The following PRKCH variants were observed in gnomAD, a reference collection of about 807,000 sequenced individuals.
PRKCH encodes protein kinase C eta, also known as protein kinase C eta type.
A neutral mutation model predicts 82.5 loss-of-function variants in PRKCH; 28 were observed. That is an observed-to-expected ratio of 0.34 (90% confidence interval 0.25 to 0.47). PRKCH has a LOEUF of 0.47. Among genes scored for constraint, PRKCH ranks in the 20% least tolerant of loss-of-function variants. The pLI is 1.00. For synonymous variants in PRKCH, 322 were observed against 327.4 expected, an observed-to-expected ratio of 0.98 and a Z score of 0.18; for missense variants, 705 against 881.8, an observed-to-expected ratio of 0.80 and a Z score of 2.54.
intron 1 of PRKCH, among the ~76,000 whole-genome samples, chr14:61,222,054 C>G (rs2044660312): frequency 6.6e-6 from 1 of 152,202 alleles, no homozygotes; most frequent in Non-Finnish European, 1.5e-5. Context: ...ACTGCCTGCT[C>G]TTGCCTGGTC....
chr14:61,504,350 G>A (rs1384575555), intron 10 of PRKCH, among the ~76,000 whole-genome samples: 1 of 151,998 alleles, frequency 6.6e-6, no homozygotes, highest in Non-Finnish European at 1.5e-5. Flanking sequence ...CACCACCCCC[G>A]GCTAATTTTT....
chr14:61,222,703 T>G (rs2140053664), intron 1 of PRKCH, among the ~76,000 whole-genome samples: 1 of 152,340 alleles, frequency 6.6e-6, no homozygotes, highest in African/African-American at 2.4e-5. Context: ...CATGAGGTAG[T>G]CTTTCAACAA....
chr14:61,517,069 C>T (rs185505539), intron 10 of PRKCH, among the ~76,000 whole-genome samples: 1 of 152,248 alleles, frequency 6.6e-6, no homozygotes, highest in Admixed American at 6.5e-5. Context: ...GAGGTGGCCA[C>T]AGTACTGATT....
At chr14:61,487,841 A>AC (rs1343601026) in intron 10 of PRKCH, among the ~76,000 whole-genome samples, 1 of 150,538 alleles carries the variant, frequency 6.6e-6, no homozygotes, top group Non-Finnish European at 1.5e-5. Context: ...AAAAAAAAAA[A>AC]AACATATACA....
chr14:61,274,841 A>G (rs561847365), intron 1 of PRKCH, among the ~76,000 whole-genome samples: 55 of 152,310 alleles, frequency 3.6e-4, no homozygotes, highest in African/African-American at 1.3e-3. Context: ...GACACAGATT[A>G]TGCCACTTAT....
At chr14:61,301,181 C>G (rs1361885255) in intron 1 of PRKCH, among the ~76,000 whole-genome samples, 1 of 152,130 alleles carries the variant, frequency 6.6e-6, no homozygotes, top group Non-Finnish European at 1.5e-5. Flanking sequence ...GAGAAGGAAC[C>G]TCAGGTATTT....
At chr14:61,352,689 GGAAAGAAAGAAAGAAAGAAAGAAAGAAA>G (rs56406998) in intron 1 of PRKCH, among the ~76,000 whole-genome samples, 2 of 126,456 alleles carry the variant, frequency 1.6e-5, no homozygotes, top group Non-Finnish European at 3.3e-5. Flanking sequence ...AGAAAGGAAA[GGAAAGAAAGAAAGAAAGAAAGAAAGAAA>G]GAAAGAAAGA....
intron 1 of PRKCH, among the ~76,000 whole-genome samples, chr14:61,263,895 GTA>G (rs1491059696): frequency 7.3e-4 from 93 of 126,622 alleles, no homozygotes; most frequent in African/African-American, 2.8e-3. Context: ...GTGTGTGTGT[GTA>G]TGTGTGTGTA....
chr14:61,345,375 A>T (rs11623397), intron 1 of PRKCH, among the ~76,000 whole-genome samples: 1 of 152,206 alleles, frequency 6.6e-6, no homozygotes, highest in Non-Finnish European at 1.5e-5. Context: ...AAACAAAACA[A>T]CTACCACAAA....
chr14:61,510,361 A>G (rs1052667301), intron 10 of PRKCH, among the ~76,000 whole-genome samples: 6 of 152,136 alleles, frequency 3.9e-5, no homozygotes, highest in African/African-American at 1.4e-4. Context: ...AGGTCTTCTC[A>G]TAGGTCAGGC....
At chr14:61,452,931 G>A in intron 6 of PRKCH, 1 of 403,154 alleles carries the variant, frequency 2.5e-6, no homozygotes, top group East Asian at 5.3e-5. Context: ...TACTAAGGCA[G>A]CAATGCCTGT....
Position 61,530,549 on chromosome 14 carries a change from T to C in PRKCH, c.1715T>C (p.Val572Ala), listed in dbSNP as rs1180501909. 6.2e-7 allele frequency: 1 copy of C among 1,610,198 alleles called. No homozygotes were observed. The highest frequency in any genetic ancestry group is 1.1e-5 in the South Asian group (1 of 89,916). The change falls in exon 12 of 14, where the codon GTC (valine) becomes GCC (alanine). Residue 572 changes from valine to alanine, a missense_variant. This residue lies in a region of PRKCH where 115 missense variants were observed against 193.8 expected (regional missense o/e 0.59). Transcript: ENST00000332981. ...LFEAILNDEVVYPTWLHEDAT... is the reference protein window; with the variant it reads ...LFEAILNDEVAYPTWLHEDAT... ...GAGGCCATACTGAATGATGAGGTGGTCTACCCTACCTGGCTCCATGAAGAT... is the reference window on the plus strand; with the variant it reads ...GAGGCCATACTGAATGATGAGGTGGCCTACCCTACCTGGCTCCATGAAGAT...
intron 8 of PRKCH, 45 bp downstream of exon 8, chr14:61,457,364 G>C: frequency 1.2e-6 from 2 of 1,608,468 alleles, no homozygotes; most frequent in South Asian, 1.1e-5. Context: ...AGTGTGCTCT[G>C]TGTATGGGGG....
chr14:61,471,117 C>T (rs1241702473), intron 9 of PRKCH, among the ~76,000 whole-genome samples: 3 of 152,262 alleles, frequency 2.0e-5, no homozygotes, highest in African/African-American at 7.2e-5. Context: ...GTCATAGCTC[C>T]TCTCTGTCTG....
intron 3 of PRKCH, among the ~76,000 whole-genome samples, chr14:61,443,881 C>T (rs149213898): frequency 7.2e-5 from 11 of 152,176 alleles, no homozygotes; most frequent in Admixed American, 7.2e-4. Context: ...TAAATTTAAG[C>T]AGTAGTTATC....
intron 10 of PRKCH, among the ~76,000 whole-genome samples, chr14:61,502,061 TTTTC>T (rs199795373): frequency 8.9e-4 from 8 of 8,984 alleles, no homozygotes; most frequent in South Asian, 2.8e-3. Context: ...TTTTCTTTTC[TTTTC>T]TTTTTTTTTT....
At position 61,457,314 on chromosome 14, in the gene PRKCH, G is replaced by A; in HGVS notation, c.1099G>A (p.Gly367Arg). The change falls in exon 8 of 14, where the codon GGG (glycine) becomes AGG (arginine). Residue 367 changes from glycine to arginine, a missense_variant. This residue lies in a region of PRKCH where 238 missense variants were observed against 258.1 expected (regional missense o/e 0.92). Coordinates refer to ENST00000332981, the MANE Select transcript of PRKCH (RefSeq NM_006255.5). ...FIRVLGKGSF[G>R]KVMLARVKET... ...CCGAGTGTTGGGGAAGGGGAGTTTTGGGAAGGTGAGTCTTGGCTTTAACTG... is the reference window on the plus strand; with the variant it reads ...CCGAGTGTTGGGGAAGGGGAGTTTTAGGAAGGTGAGTCTTGGCTTTAACTG... 1 of 1,614,074 alleles carries A rather than the reference G, an allele frequency of 6.2e-7. No individual in the cohort carries two copies. The highest frequency in any genetic ancestry group is 8.5e-7 in the Non-Finnish European group (1 of 1,179,950).
intron 1 of PRKCH, among the ~76,000 whole-genome samples, chr14:61,368,831 A>G (rs2046331241): frequency 6.6e-6 from 1 of 152,078 alleles, no homozygotes; most frequent in Non-Finnish European, 1.5e-5. Flanking sequence ...AATTATAGGC[A>G]CTCAAAGTGC....
chr14:61,471,568 C>G (rs1456176889), intron 9 of PRKCH, among the ~76,000 whole-genome samples: 2 of 151,930 alleles, frequency 1.3e-5, no homozygotes, highest in South Asian at 4.1e-4. Flanking sequence ...AAAAAAGTAC[C>G]CTTCCACATT....
Sources: gnomAD v4.1 joint callset for allele counts (sites outside exome capture counted in the v4.1 genomes callset) on GRCh38, gnomAD v4.1.1 for gene constraint, gnomAD v4.1.1 regional missense constraint, MANE v1.5 for transcripts, NCBI Gene and HGNC (gene_info 2026-07-23, HGNC 2026-07-21) for gene names.